DLG2: variants seen among roughly 807,000 people sequenced by gnomAD.
DLG2 encodes the protein disks large homolog 2.
DLG2 carries 45 observed loss-of-function variants against 132.5 expected under a neutral mutation model. The observed-to-expected ratio is 0.34, with a 90% CI of 0.27 to 0.44. The LOEUF is 0.44. DLG2 is among the 20% of genes least tolerant of loss of function. The probability of loss-of-function intolerance (pLI) is 1.00; values close to 1 mark genes in which losing one functional copy is unlikely to be tolerated. For missense variants in DLG2, 1,045 were observed against 1,196.9 expected (o/e 0.87, Z 1.87); for synonymous variants, 424 against 419.6 (o/e 1.01, Z -0.13).
chr11:85,537,092 G>C (rs139404885), intron 3 of DLG2, among the ~76,000 whole-genome samples: 1 of 152,154 alleles, frequency 6.6e-6, no homozygotes, highest in Admixed American at 6.5e-5. Context: ...CTTGGAGAAC[G>C]TTTGCGTCTA....
At chr11:83,677,463 A>C (rs2077938060) in intron 18 of DLG2, among the ~76,000 whole-genome samples, 1 of 152,194 alleles carries the variant, frequency 6.6e-6, no homozygotes, top group Non-Finnish European at 1.5e-5. Context: ...AAATAAAGTT[A>C]TCTCATTTAC....
intron 16 of DLG2, among the ~76,000 whole-genome samples, chr11:83,857,470 T>C (rs2060714703): frequency 6.6e-6 from 1 of 152,222 alleles, no homozygotes; most frequent in Admixed American, 6.5e-5. Context: ...TTTTCATTTG[T>C]TTGTGTCATC....
At chr11:83,661,715 T>G (rs746416539) in intron 18 of DLG2, among the ~76,000 whole-genome samples, 9 of 152,060 alleles carry the variant, frequency 5.9e-5, no homozygotes, top group Non-Finnish European at 1.2e-4. Flanking sequence ...TCAAGACAGC[T>G]TTTACCCTGG....
chr11:85,081,572 C>T (rs746527364), intron 6 of DLG2, among the ~76,000 whole-genome samples: 17 of 152,252 alleles, frequency 1.1e-4, no homozygotes, highest in Non-Finnish European at 2.1e-4. Flanking sequence ...TCAAAGTAGA[C>T]GCTTAATGTC....
intron 3 of DLG2, among the ~76,000 whole-genome samples, chr11:85,384,087 T>A (rs1044207002): frequency 7.2e-5 from 11 of 152,212 alleles, no homozygotes; most frequent in African/African-American, 2.7e-4. Flanking sequence ...GAATTTTATG[T>A]GCACTTGTCT....
chr11:85,483,233 T>C (rs1369718921), intron 3 of DLG2, among the ~76,000 whole-genome samples: 4 of 152,164 alleles, frequency 2.6e-5, no homozygotes, highest in African/African-American at 9.6e-5. Flanking sequence ...AAACCATATA[T>C]GAATAAGTTC....
chr11:84,917,711 T>A (rs1424259266), intron 6 of DLG2, among the ~76,000 whole-genome samples: 1 of 152,198 alleles, frequency 6.6e-6, no homozygotes, highest in Non-Finnish European at 1.5e-5. Context: ...ACTTATTAAC[T>A]CCTTGTTTAA....
At chr11:84,708,322 C>G (rs2059992028) in intron 6 of DLG2, among the ~76,000 whole-genome samples, 1 of 151,746 alleles carries the variant, frequency 6.6e-6, no homozygotes, top group Non-Finnish European at 1.5e-5. Flanking sequence ...ATGAGTGAGA[C>G]CAAGATTGAG....
intron 7 of DLG2, among the ~76,000 whole-genome samples, chr11:84,423,856 C>A (rs1291501665): frequency 6.6e-6 from 1 of 152,162 alleles, no homozygotes; most frequent in African/African-American, 2.4e-5. Context: ...CAATGTTAAT[C>A]ATAAATGCAA....
intron 13 of DLG2, among the ~76,000 whole-genome samples, chr11:83,964,350 G>A (rs1257146756): frequency 1.3e-5 from 2 of 151,890 alleles, no homozygotes; most frequent in Non-Finnish European, 2.9e-5. Context: ...ATATTTTGGA[G>A]GTAAGTTGTT....
At chr11:84,767,579 C>G (rs951829611) in intron 6 of DLG2, among the ~76,000 whole-genome samples, 1 of 151,728 alleles carries the variant, frequency 6.6e-6, no homozygotes, top group Non-Finnish European at 1.5e-5. Context: ...TATTTTAAAA[C>G]TAAAATTAAG....
intron 6 of DLG2, among the ~76,000 whole-genome samples, chr11:84,549,334 T>C (rs915033570): frequency 1.3e-5 from 2 of 152,214 alleles, no homozygotes; most frequent in Non-Finnish European, 2.9e-5. Context: ...CTGGATTCTA[T>C]TGAGCACTGT....
chr11:83,886,510 C>T (rs2067941637), intron 15 of DLG2, among the ~76,000 whole-genome samples: 1 of 152,200 alleles, frequency 6.6e-6, no homozygotes, highest in Non-Finnish European at 1.5e-5. Flanking sequence ...GAGACTTTAA[C>T]ACCCCACTGT....
At chr11:83,804,261 C>CA (rs940934132) in intron 17 of DLG2, among the ~76,000 whole-genome samples, 2 of 152,032 alleles carry the variant, frequency 1.3e-5, no homozygotes, top group African/African-American at 4.8e-5. Flanking sequence ...TCTGAATAAA[C>CA]AGAGATGCAT....
intron 26 of DLG2, among the ~76,000 whole-genome samples, chr11:83,463,915 G>A (rs1477432897): frequency 6.6e-6 from 1 of 152,236 alleles, no homozygotes; most frequent in African/African-American, 2.4e-5. Flanking sequence ...TCTCTGACCT[G>A]TGAATTTATT....
chr11:83,833,833 A>G (rs1485842037), intron 16 of DLG2, 63 bp from the exon 17 acceptor site: 2 of 1,541,176 alleles, frequency 1.3e-6, no homozygotes, highest in East Asian at 4.5e-5. Flanking sequence ...CGTTGCTTTT[A>G]CTTTCAATGG....
chr11:85,511,131 C>T (rs1417899741), intron 3 of DLG2, among the ~76,000 whole-genome samples: 2 of 151,940 alleles, frequency 1.3e-5, no homozygotes, highest in Non-Finnish European at 2.9e-5. Context: ...GACAAAAAAC[C>T]GAACACCGCA....
chr11:85,114,194 A>G (rs1032321666), intron 5 of DLG2, among the ~76,000 whole-genome samples: 4 of 151,944 alleles, frequency 2.6e-5, no homozygotes, highest in Admixed American at 2.0e-4. Flanking sequence ...TTTTGTTTTT[A>G]ACATTTAATG....
chr11:83,769,624 C>T (rs965260984), intron 18 of DLG2, among the ~76,000 whole-genome samples: 16 of 145,964 alleles, frequency 1.1e-4, no homozygotes, highest in African/African-American at 3.1e-4. Context: ...AGTGCAATGG[C>T]GCAATCTCAG....
Sources: allele counts gnomAD v4.1 joint callset (sites outside exome capture counted in the v4.1 genomes callset), GRCh38; gene constraint gnomAD v4.1.1; transcripts MANE v1.5; gene names NCBI Gene and HGNC (gene_info 2026-07-23, HGNC 2026-07-21).